Variants in PCCA observed in about 807,000 individuals in gnomAD.
PCCA encodes propionyl-CoA carboxylase alpha chain, mitochondrial.
Under a neutral mutation model 101.3 loss-of-function variants are expected in PCCA, and 74 were observed. The ratio of observed to expected loss-of-function variants is 0.73; its 90% CI spans 0.61 to 0.89. PCCA has a LOEUF of 0.89. Ranked by LOEUF, PCCA falls within the 40% of genes least tolerant of loss-of-function variation. The pLI, the probability that PCCA is intolerant of heterozygous loss-of-function variation, is 0.00. For missense variants in PCCA, 891 were observed against 907.0 expected (o/e 0.98, Z 0.23); for synonymous variants, 294 against 313.6 (o/e 0.94, Z 0.66).
At chr13:100,501,165 G>A (rs56391467) in intron 21 of PCCA, among the ~76,000 whole-genome samples, 35,656 of 152,044 alleles carry the variant, frequency 0.23, 5,012 homozygotes, top group East Asian at 0.55. Flanking sequence ...GAAAAAATGT[G>A]TCACTCAGAG....
chr13:100,422,082 C>G (rs1470790712), intron 19 of PCCA, among the ~76,000 whole-genome samples: 1 of 127,528 alleles, frequency 7.8e-6, no homozygotes, highest in African/African-American at 3.4e-5. Flanking sequence ...TTCTTTCTTT[C>G]TTTCTTTCTT....
intron 19 of PCCA, among the ~76,000 whole-genome samples, chr13:100,403,078 G>A (rs923735993): frequency 4.0e-5 from 6 of 151,668 alleles, no homozygotes; most frequent in Non-Finnish European, 8.8e-5. Context: ...ACACAGTAAA[G>A]CCACATTTGT....
At chr13:100,375,773 G>T (rs2075863493) in intron 19 of PCCA, among the ~76,000 whole-genome samples, 1 of 152,142 alleles carries the variant, frequency 6.6e-6, no homozygotes, top group East Asian at 1.9e-4. Flanking sequence ...ATAATGACAG[G>T]ATCAAATTCA....
At chr13:100,264,077 G>T (rs1397546013) in intron 10 of PCCA, among the ~76,000 whole-genome samples, 1 of 135,408 alleles carries the variant, frequency 7.4e-6, no homozygotes, top group Admixed American at 7.4e-5. Flanking sequence ...TCTGTATATC[G>T]TATATATACG....
intron 8 of PCCA, among the ~76,000 whole-genome samples, chr13:100,254,723 A>G (rs372221274): frequency 2.6e-5 from 4 of 152,286 alleles, no homozygotes; most frequent in South Asian, 4.1e-4. Context: ...TCGATTTGGC[A>G]TAAGAAGTTG....
chr13:100,448,382 G>A (rs764659764), intron 20 of PCCA, among the ~76,000 whole-genome samples: 2 of 151,948 alleles, frequency 1.3e-5, no homozygotes, highest in African/African-American at 2.4e-5. Context: ...TAGTAAAGAC[G>A]GGGTTTCACC....
intron 21 of PCCA, among the ~76,000 whole-genome samples, chr13:100,454,738 G>A (rs577385792): frequency 6.6e-6 from 1 of 152,274 alleles, no homozygotes; most frequent in East Asian, 1.9e-4. Flanking sequence ...TACTTCTGTT[G>A]TGTAAATAAG....
chr13:100,506,378 CGGGGGT>C (rs2086080483), intron 21 of PCCA, among the ~76,000 whole-genome samples: 1 of 14,538 alleles, frequency 6.9e-5, no homozygotes, highest in East Asian at 2.0e-3. Flanking sequence ...CCTTCGCGGG[CGGGGGT>C]GGGGGCGGGG....
intron 19 of PCCA, among the ~76,000 whole-genome samples, chr13:100,377,310 C>T (rs572880603): frequency 1.3e-5 from 2 of 152,260 alleles, no homozygotes; most frequent in African/African-American, 4.8e-5. Context: ...TGACTTAAAG[C>T]TGTTTTATGT....
At chr13:100,300,919 G>A (rs187293991) in intron 12 of PCCA, among the ~76,000 whole-genome samples, 11 of 152,328 alleles carry the variant, frequency 7.2e-5, no homozygotes, top group African/African-American at 2.4e-4. Context: ...CAGTGTGGAG[G>A]GAAAGCAACC....
chr13:100,405,946 T>C (rs1356781581), intron 19 of PCCA, among the ~76,000 whole-genome samples: 2 of 152,000 alleles, frequency 1.3e-5, no homozygotes, highest in African/African-American at 2.4e-5. Flanking sequence ...TTTGTACTTT[T>C]AGTAGAGACA....
At chr13:100,318,998 T>G (rs2067696300) in intron 16 of PCCA, among the ~76,000 whole-genome samples, 1 of 152,154 alleles carries the variant, frequency 6.6e-6, no homozygotes, top group Non-Finnish European at 1.5e-5. Flanking sequence ...CAGCACCTGT[T>G]GTTTCCTGAC....
At chr13:100,167,958 G>T (rs900246248) in intron 6 of PCCA, among the ~76,000 whole-genome samples, 2 of 152,026 alleles carry the variant, frequency 1.3e-5, no homozygotes, top group Non-Finnish European at 2.9e-5. Flanking sequence ...AAAATACTTT[G>T]TCCACACCCC....
chr13:100,263,001 A>G (rs1050289507), intron 10 of PCCA, among the ~76,000 whole-genome samples, 170 bp downstream of exon 10: 7 of 152,098 alleles, frequency 4.6e-5, no homozygotes, highest in African/African-American at 1.4e-4. Flanking sequence ...TGATACAAAA[A>G]TCTACCTCCA....
rs2087963743 is a variant in PCCA, at chr13:100,527,713, G to A, written c.2079G>A (p.Met693Ile). ...EGQEICVIEA[M>I]KMQNSMTAGK... ...AAGAAATTTGTGTGATTGAAGCCATGAAAATGCAGAATAGTATGACAGCTG... is the reference window on the plus strand; with the variant it reads ...AAGAAATTTGTGTGATTGAAGCCATAAAAATGCAGAATAGTATGACAGCTG... The change falls in exon 23 of 24, where the codon ATG becomes ATA. Residue 693 changes from methionine (M) to isoleucine (I), a missense_variant. Met to Ile is a conservative substitution (Grantham distance 10). Coordinates refer to ENST00000376285, the MANE Select transcript of PCCA (RefSeq NM_000282.4). The A allele has an allele frequency of 6.2e-7, 1 of 1,614,044 alleles. No individual in the cohort carries two copies. The highest frequency in any genetic ancestry group is 8.5e-7 in the Non-Finnish European group (1 of 1,179,930).
At chr13:100,467,789 G>T (rs1358763704) in intron 21 of PCCA, among the ~76,000 whole-genome samples, 1 of 152,148 alleles carries the variant, frequency 6.6e-6, no homozygotes, top group Non-Finnish European at 1.5e-5. Context: ...CACCCATGAG[G>T]GTTAGAATCC....
intron 6 of PCCA, 62 bp from the exon 7 acceptor site, chr13:100,209,270 G>A: frequency 7.0e-7 from 1 of 1,421,508 alleles, no homozygotes; most frequent in South Asian, 1.2e-5. Context: ...TTATAAAATT[G>A]TGACTCCACA....
intron 8 of PCCA, among the ~76,000 whole-genome samples, chr13:100,247,544 C>T (rs1181923881): frequency 2.2e-5 from 3 of 137,244 alleles, no homozygotes; most frequent in East Asian, 2.2e-4. Context: ...GACAAAGTCT[C>T]GCTCTGTCAC....
At chr13:100,413,433 T>TAAGAGATTAAATTAAGA (rs1444880011) in intron 19 of PCCA, among the ~76,000 whole-genome samples, 6 of 152,092 alleles carry the variant, frequency 3.9e-5, no homozygotes, top group Non-Finnish European at 8.8e-5. Context: ...AATAGGAATC[T>TAAGAGATTAAATTAAGA]GATGAAATTA....
Sources: allele counts gnomAD v4.1 joint callset (sites outside exome capture counted in the v4.1 genomes callset), GRCh38; gene constraint gnomAD v4.1.1; transcripts MANE v1.5; gene names NCBI Gene and HGNC (gene_info 2026-07-23, HGNC 2026-07-21).